Variants in MCC observed in about 807,000 individuals in gnomAD.
MCC encodes colorectal mutant cancer protein.
Under a neutral mutation model 116.2 loss-of-function variants are expected in MCC, and 90 were observed. That is an observed-to-expected ratio of 0.77 (90% confidence interval 0.65 to 0.92). MCC has a LOEUF of 0.92. Ranked by LOEUF, MCC falls within the 40% of genes least tolerant of loss-of-function variation. MCC has a pLI of 0.00. For missense variants in MCC, 1,516 were observed against 1,312.2 expected, an observed-to-expected ratio of 1.16 and a Z score of -2.40; for synonymous variants, 578 against 510.5, an observed-to-expected ratio of 1.13 and a Z score of -1.78.
chr5:113,138,118 G>C (rs1758949083), intron 5 of MCC, among the ~76,000 whole-genome samples: 1 of 151,910 alleles, frequency 6.6e-6, no homozygotes, highest in African/African-American at 2.4e-5. Context: ...CTGGGTTCAA[G>C]TGATTCTCCT....
chr5:113,373,651 A>T (rs922135497), intron 2 of MCC, among the ~76,000 whole-genome samples: 1 of 152,204 alleles, frequency 6.6e-6, no homozygotes, highest in Non-Finnish European at 1.5e-5. Context: ...TCTCAAGATA[A>T]ATTTAAACAG....
chr5:113,474,526 A>G (rs1772183891), intron 1 of MCC, among the ~76,000 whole-genome samples: 1 of 152,194 alleles, frequency 6.6e-6, no homozygotes, highest in African/African-American at 2.4e-5. Flanking sequence ...AGGGCCTTAA[A>G]TTAAATGCCC....
intron 1 of MCC, among the ~76,000 whole-genome samples, chr5:113,472,688 A>G (rs1772125765): frequency 6.6e-6 from 1 of 152,226 alleles, no homozygotes; most frequent in African/African-American, 2.4e-5. Flanking sequence ...GAGAAGCTAT[A>G]ATTTATATTA....
intron 3 of MCC, among the ~76,000 whole-genome samples, chr5:113,305,348 T>TA (rs1489573357): frequency 6.6e-6 from 1 of 152,234 alleles, no homozygotes; most frequent in African/African-American, 2.4e-5. Flanking sequence ...CAGCTACTCT[T>TA]ACCTGTGCTC....
At chr5:113,124,066 A>T (rs1373633237) in intron 5 of MCC, among the ~76,000 whole-genome samples, 1 of 152,228 alleles carries the variant, frequency 6.6e-6, no homozygotes, top group Admixed American at 6.5e-5. Context: ...CAGGAAAGGG[A>T]TTCAGCTGAG....
At chr5:113,079,125 G>A (rs1465350719) in intron 11 of MCC, among the ~76,000 whole-genome samples, 1 of 152,190 alleles carries the variant, frequency 6.6e-6, no homozygotes, top group Non-Finnish European at 1.5e-5. Flanking sequence ...CCTCTTCAAG[G>A]AGAACTACAA....
intron 2 of MCC, among the ~76,000 whole-genome samples, chr5:113,376,049 C>T (rs934803963): frequency 2.0e-5 from 3 of 152,094 alleles, no homozygotes; most frequent in Non-Finnish European, 2.9e-5. Flanking sequence ...TTTCATCCAG[C>T]TTGAGACTAT....
rs1750323535 is a variant in MCC at position 113,023,702 on chromosome 5, A to G, written c.*3600T>C. ...AATTAAGAATTTGCAAATTGTTTAA[A>G]GCCTTATGGAGGAAAGGACACTTTC... On this transcript the variant is annotated 3_prime_UTR_variant, in exon 19 of 19. Coordinates refer to ENST00000408903, the MANE Select transcript of MCC (RefSeq NM_001085377.2). 1 of 152,242 alleles carries G rather than the reference A, an allele frequency of 6.6e-6. No individual in the cohort carries two copies. The highest frequency in any genetic ancestry group is 1.5e-5 in the Non-Finnish European group (1 of 68,032). The allele number at this position is 152,242 out of a possible 1,614,324, so 9.4% of individuals were successfully genotyped here.
At chr5:113,088,700 A>G (rs1403390114) in intron 8 of MCC, among the ~76,000 whole-genome samples, 1 of 152,118 alleles carries the variant, frequency 6.6e-6, no homozygotes, top group Non-Finnish European at 1.5e-5. Flanking sequence ...GCAAGGAAGG[A>G]TTCTCTTTCA....
chr5:113,334,734 G>A (rs1767829795), intron 3 of MCC, among the ~76,000 whole-genome samples: 1 of 150,860 alleles, frequency 6.6e-6, no homozygotes, highest in Admixed American at 6.6e-5. Context: ...GGGATTACAG[G>A]CACGCACCAC....
At chr5:113,391,275 C>G (rs1050396296) in intron 1 of MCC, among the ~76,000 whole-genome samples, 9 of 152,084 alleles carry the variant, frequency 5.9e-5, no homozygotes, top group Admixed American at 2.6e-4. Flanking sequence ...GAATATGCAG[C>G]AGGGGAGCTG....
At chr5:113,334,866 C>T (rs561467631) in intron 3 of MCC, among the ~76,000 whole-genome samples, 6 of 151,750 alleles carry the variant, frequency 4.0e-5, no homozygotes, top group Admixed American at 3.9e-4. Context: ...GCTGGCATTA[C>T]AGGCGTGAGC....
At chr5:113,391,903 G>A (rs556012192) in intron 1 of MCC, among the ~76,000 whole-genome samples, 1 of 152,240 alleles carries the variant, frequency 6.6e-6, no homozygotes, top group Non-Finnish European at 1.5e-5. Flanking sequence ...AAACTCTTCT[G>A]TACAATTTTA....
chr5:113,264,798 T>A (rs1765358945), intron 3 of MCC, among the ~76,000 whole-genome samples: 1 of 152,276 alleles, frequency 6.6e-6, no homozygotes, highest in African/African-American at 2.4e-5. Context: ...ATCCCAGCAC[T>A]TTGGGAAGTC....
intron 1 of MCC, among the ~76,000 whole-genome samples, chr5:113,455,335 G>C (rs886231907): frequency 5.3e-5 from 8 of 152,094 alleles, no homozygotes; most frequent in Non-Finnish European, 1.2e-4. Context: ...CTAGAGTAGG[G>C]CTCCCTGAAG....
chr5:113,056,746 A>C (rs1193844156), intron 14 of MCC, among the ~76,000 whole-genome samples: 1 of 152,268 alleles, frequency 6.6e-6, no homozygotes, highest in African/African-American at 2.4e-5. Context: ...AAAAAATAGA[A>C]ATGTTTACAA....
In MCC at chr5:113,348,710, G is replaced by C. The variant is rs949206715; in HGVS notation, c.416-7980C>G. ...TAGGAAAAAATAATTATAAAGATCA[G>C]AGCAGAAATAAATAAAATTGAAATA... On this transcript the variant is annotated intron_variant, in intron 2 of 18. Coordinates refer to ENST00000408903, the MANE Select transcript of MCC (RefSeq NM_001085377.2). 1.6e-4 allele frequency among the ~76,000 whole-genome samples: 24 copies of C among 152,028 alleles called. No individual in the cohort carries two copies. In the East Asian group the frequency reaches 4.1e-3, roughly 26 times the overall value.
chr5:113,278,551 C>T (rs760807829), intron 3 of MCC, among the ~76,000 whole-genome samples: 39 of 152,176 alleles, frequency 2.6e-4, no homozygotes, highest in Non-Finnish European at 5.3e-4. Flanking sequence ...AACATTTAAA[C>T]TAAGTCCTAT....
At chr5:113,376,574 T>TATATATACACACACACAC (rs10633405) in intron 2 of MCC, among the ~76,000 whole-genome samples, 7 of 145,774 alleles carry the variant, frequency 4.8e-5, no homozygotes, top group African/African-American at 1.8e-4. Context: ...CCATATTTTA[T>TATATATACACACACACAC]ACACACACAC....
Sources: allele counts gnomAD v4.1 joint callset (sites outside exome capture counted in the v4.1 genomes callset), GRCh38; gene constraint gnomAD v4.1.1; transcripts MANE v1.5; gene names NCBI Gene and HGNC (gene_info 2026-07-23, HGNC 2026-07-21).